The following DENND4C variants were observed in gnomAD, a reference collection of about 807,000 sequenced individuals.
DENND4C encodes the protein DENN domain-containing protein 4C.
In DENND4C, 108 loss-of-function variants were observed where a neutral mutation model predicts 203.0. The ratio of observed to expected loss-of-function variants is 0.53; its 90% CI spans 0.46 to 0.62. DENND4C has a LOEUF of 0.62. Among genes scored for constraint, DENND4C ranks in the 20% least tolerant of loss-of-function variants. The probability of loss-of-function intolerance (pLI) is 0.00; values close to 1 mark genes in which losing one functional copy is unlikely to be tolerated. For synonymous variants in DENND4C, 871 were observed against 792.4 expected (o/e 1.10, Z -1.67); for missense variants, 2,481 against 2,301.2 (o/e 1.08, Z -1.60).
In DENND4C at chr9:19,304,893, C is replaced by T. The variant is rs754936120; in HGVS notation, c.1312-459C>T. Among the ~76,000 whole-genome samples, 39 of 151,568 alleles carry T rather than the reference C, an allele frequency of 2.6e-4. 2 individuals are homozygous for T. In the Middle Eastern group the frequency reaches 0.01, roughly 40 times the overall value. ...GCTCTTTAATTATCTGTTAGCATTC[C>T]CTGGAAAATAATTAGTTTTTTTTTT... is the stretch of plus-strand genomic sequence containing the variant. On this transcript the variant is annotated intron_variant, in intron 9 of 32. Transcript: ENST00000434457.
chr9:19,264,394 C>T (rs1830059070), intron 1 of DENND4C, among the ~76,000 whole-genome samples: 1 of 152,066 alleles, frequency 6.6e-6, no homozygotes, highest in Non-Finnish European at 1.5e-5. Flanking sequence ...ACAACCTCCA[C>T]CTCCCAGGTT....
At chr9:19,279,784 G>C (rs1833661614) in intron 2 of DENND4C, among the ~76,000 whole-genome samples, 1 of 152,060 alleles carries the variant, frequency 6.6e-6, no homozygotes, top group Non-Finnish European at 1.5e-5. Flanking sequence ...GAGTGGCTCC[G>C]ATTGTGCCAC....
At chr9:19,342,064 C>T (rs1005563381) in intron 21 of DENND4C, among the ~76,000 whole-genome samples, 9 of 141,046 alleles carry the variant, frequency 6.4e-5, no homozygotes, top group African/African-American at 2.4e-4. Flanking sequence ...GCGAAAGTTG[C>T]AGTCAGCCAA....
Position 19,299,223 on chromosome 9 carries a change from T to C in DENND4C, c.1108-6T>C, listed in dbSNP as rs1838064531. Reference sequence around the variant, plus strand: ...TTGGTTAATTTATCTTTTTTTTTTTTTTAAGCTGTCAGTCCATGATGCATT... The same window carrying C: ...TTGGTTAATTTATCTTTTTTTTTTTCTTAAGCTGTCAGTCCATGATGCATT... On this transcript the variant is annotated splice_region_variant and splice_polypyrimidine_tract_variant and intron_variant, in intron 7 of 32. Transcript: ENST00000434457. 6.4e-7 allele frequency: 1 copy of C among 1,563,782 alleles called. No individual in the cohort carries two copies. The highest frequency in any genetic ancestry group is 8.6e-7 in the Non-Finnish European group (1 of 1,162,622).
intron 1 of DENND4C, among the ~76,000 whole-genome samples, chr9:19,242,201 T>G (rs1823930034): frequency 6.6e-6 from 1 of 152,214 alleles, no homozygotes; most frequent in South Asian, 2.1e-4. Flanking sequence ...ACTAGCTTCT[T>G]TCACTTAGCA....
chr9:19,272,052 C>T (rs986951921), intron 1 of DENND4C, among the ~76,000 whole-genome samples: 1 of 151,834 alleles, frequency 6.6e-6, no homozygotes, highest in Non-Finnish European at 1.5e-5. Flanking sequence ...ACATGTTGAG[C>T]AATTGACTTT....
intron 4 of DENND4C, among the ~76,000 whole-genome samples, chr9:19,289,828 C>CCA (rs1697160081): frequency 7.9e-6 from 1 of 126,776 alleles, no homozygotes; most frequent in Non-Finnish European, 1.6e-5. Flanking sequence ...GATCCTGTCT[C>CCA]AAAAAAAAAA....
chr9:19,322,767 A>G (rs1239588161), intron 12 of DENND4C, among the ~76,000 whole-genome samples: 2 of 150,992 alleles, frequency 1.3e-5, no homozygotes, highest in Admixed American at 6.6e-5. Flanking sequence ...GGGCCAGTGG[A>G]TTGGAGATTT....
intron 10 of DENND4C, among the ~76,000 whole-genome samples, chr9:19,315,201 A>G (rs1173288197): frequency 6.6e-6 from 1 of 151,386 alleles, no homozygotes; most frequent in African/African-American, 2.4e-5. Flanking sequence ...CAGACTTTCA[A>G]GGGTACCAGT....
chr9:19,261,571 C>T (rs1371560780), intron 1 of DENND4C, among the ~76,000 whole-genome samples: 5 of 151,314 alleles, frequency 3.3e-5, no homozygotes, highest in South Asian at 4.2e-4. Context: ...GGCACAATCA[C>T]GGCTCACTGC....
intron 1 of DENND4C, among the ~76,000 whole-genome samples, chr9:19,274,524 A>C (rs1012762327): frequency 3.3e-5 from 5 of 152,038 alleles, no homozygotes; most frequent in Non-Finnish European, 7.4e-5. Flanking sequence ...CAAACTCCCA[A>C]CCTCAGGTGT....
intron 1 of DENND4C, among the ~76,000 whole-genome samples, chr9:19,268,444 G>C (rs1021268169): frequency 1.3e-5 from 2 of 152,092 alleles, no homozygotes; most frequent in Non-Finnish European, 2.9e-5. Context: ...CTTTCTGTTT[G>C]AGATATGAGT....
chr9:19,238,830 T>C (rs1268360149), intron 1 of DENND4C, among the ~76,000 whole-genome samples: 1 of 150,234 alleles, frequency 6.7e-6, no homozygotes, highest in Non-Finnish European at 1.5e-5. Flanking sequence ...ATTTTATATT[T>C]TTAGTGGAGA....
At chr9:19,308,494 A>G (rs1409618865) in intron 10 of DENND4C, among the ~76,000 whole-genome samples, 2 of 152,066 alleles carry the variant, frequency 1.3e-5, no homozygotes, top group Non-Finnish European at 2.9e-5. Flanking sequence ...TTTTGTTGGT[A>G]CATTTTCCTG....
chr9:19,280,752 T>G (rs1035184133), intron 2 of DENND4C, among the ~76,000 whole-genome samples: 1 of 152,006 alleles, frequency 6.6e-6, no homozygotes, highest in Admixed American at 6.6e-5. Flanking sequence ...TAAGGAGAAT[T>G]TTTTTGAGAC....
chr9:19,240,209 T>C lies in DENND4C; in HGVS notation c.-18+9376T>C, dbSNP rs542677653. Among the ~76,000 whole-genome samples the C allele has an allele frequency of 2.8e-4, 42 of 152,314 alleles. 1 individual carries two copies. The South Asian group carries it at 8.7e-3, about 32-fold the overall frequency. On this transcript the variant is annotated intron_variant, in intron 1 of 32. Transcript: ENST00000434457. Reference sequence around the variant, plus strand: ...ATCATATAGTGTACTTACATGATCCTAGATGGTGTAGCATGCTACTCTTGT... The same window carrying C: ...ATCATATAGTGTACTTACATGATCCCAGATGGTGTAGCATGCTACTCTTGT...
Position 19,357,016 on chromosome 9 carries a change from G to C in DENND4C, c.4826G>C (p.Gly1609Ala). 6.2e-7 allele frequency: 1 copy of C among 1,613,910 alleles called. No homozygotes were observed. The highest frequency in any genetic ancestry group is 8.5e-7 in the Non-Finnish European group (1 of 1,179,882). ...ACCTCTGGTGACAGTTTACAAAGTG[G>C]AAGCATTCCATTGGCAAATGAATCC... ...PSTSGDSLQS[G>A]SIPLANESLE... The change falls in exon 27 of 33, where the codon GGA (glycine) becomes GCA (alanine). Residue 1609 changes from glycine (G) to alanine (A), a missense_variant. Gly to Ala is a moderately conservative substitution (Grantham distance 60, BLOSUM62 0). Coordinates refer to ENST00000434457, the MANE Select transcript of DENND4C (RefSeq NM_001330640.2).
rs975343348 is a variant in DENND4C, at chr9:19,287,070, G to A, written c.558+49G>A. 16 of 1,226,952 alleles carry A rather than the reference G, an allele frequency of 1.3e-5. No individual in the cohort carries two copies. The South Asian group carries it at 6.8e-4, about 52-fold the overall frequency. 76.0% of individuals were successfully genotyped at this position (1,226,952 alleles called of 1,614,324 possible). Reference sequence around the variant, plus strand: ...AAAGTTTCATATGAAACCAAAAAGGGATACGTTTTGGATTCCTGTTTACTG... The same window carrying A: ...AAAGTTTCATATGAAACCAAAAAGGAATACGTTTTGGATTCCTGTTTACTG... On this transcript the variant is annotated intron_variant, in intron 3 of 32. Transcript: ENST00000434457.
In DENND4C at chr9:19,290,880, T is replaced by A; in HGVS notation, c.801+4T>A. On this transcript the variant is annotated splice_donor_region_variant and intron_variant, in intron 5 of 32. Coordinates refer to ENST00000434457, the MANE Select transcript of DENND4C (RefSeq NM_001330640.2). ...GACAGGTTCTTCAGCCAAAAAGGTA[T>A]GTTTTTGTCTCATTGATTAAACACA... The A allele has an allele frequency of 6.2e-7, 1 of 1,609,966 alleles. No homozygotes were observed. Among genetic ancestry groups the A allele is most frequent in the Non-Finnish European group, 8.5e-7 (1 of 1,178,228 alleles).
Sources: gnomAD v4.1 joint callset for allele counts (sites outside exome capture counted in the v4.1 genomes callset) on GRCh38, gnomAD v4.1.1 for gene constraint, MANE v1.5 for transcripts, NCBI Gene and HGNC (gene_info 2026-07-23, HGNC 2026-07-21) for gene names.